Variants in SPOCK3 observed in about 807,000 individuals in gnomAD.
SPOCK3 encodes SPARC (osteonectin), cwcv and kazal like domains proteoglycan 3.
A neutral mutation model predicts 56.6 loss-of-function variants in SPOCK3; 30 were observed. The ratio of observed to expected loss-of-function variants is 0.53; its 90% confidence interval spans 0.40 to 0.72. SPOCK3 has a LOEUF of 0.72. SPOCK3 is among the 30% of genes least tolerant of loss of function. The pLI, the probability that SPOCK3 is intolerant of heterozygous loss-of-function variation, is 0.00. For missense variants in SPOCK3, 527 were observed against 530.0 expected (o/e 0.99, Z 0.06); for synonymous variants, 196 against 183.3 (o/e 1.07, Z -0.56).
chr4:166,833,210 A>C (rs1264969475), intron 6 of SPOCK3, among the ~76,000 whole-genome samples: 1 of 152,138 alleles, frequency 6.6e-6, no homozygotes, highest in African/African-American at 2.4e-5. Context: ...TATTTTTGTC[A>C]GATAATATAC....
intron 2 of SPOCK3, among the ~76,000 whole-genome samples, chr4:167,200,753 T>C (rs1235291830): frequency 6.6e-6 from 1 of 152,102 alleles, no homozygotes; most frequent in Non-Finnish European, 1.5e-5. Flanking sequence ...GGAAATTCTG[T>C]TGAGTTATAA....
intron 3 of SPOCK3, among the ~76,000 whole-genome samples, chr4:167,059,974 G>T (rs34220301): frequency 0.025 from 3,758 of 151,354 alleles, 78 homozygotes; most frequent in Middle Eastern, 0.062. Context: ...GACACAGGAA[G>T]GGGAACATCT....
At chr4:166,882,035 G>A (rs999472390) in intron 6 of SPOCK3, among the ~76,000 whole-genome samples, 9 of 152,236 alleles carry the variant, frequency 5.9e-5, no homozygotes, top group Middle Eastern at 6.8e-3. Context: ...ACAGCCATGT[G>A]CATTATAGAA....
chr4:167,179,678 T>C (rs976878608), intron 2 of SPOCK3, among the ~76,000 whole-genome samples: 3 of 152,196 alleles, frequency 2.0e-5, no homozygotes, highest in Admixed American at 6.5e-5. Context: ...AAGTAGACTT[T>C]GCACATTTTG....
rs114674724 is a variant in SPOCK3 at position 166,944,322 on chromosome 4, C to T, written c.351-31579G>A. Among the ~76,000 whole-genome samples the T allele has an allele frequency of 2.9e-3, 443 of 151,888 alleles. 1 individual carries two copies. Among genetic ancestry groups the T allele is most frequent in the African/African-American group, 0.01 (429 of 41,404 alleles). ...CCCAATATGTCTGTATTTCTTACAACGACATATCTCCTCCATAACAACAAT... is the reference window on the plus strand; with the variant it reads ...CCCAATATGTCTGTATTTCTTACAATGACATATCTCCTCCATAACAACAAT... On this transcript the variant is annotated intron_variant, in intron 4 of 10. Transcript: ENST00000357545.
intron 2 of SPOCK3, among the ~76,000 whole-genome samples, chr4:167,167,268 T>C (rs1361279869): frequency 6.6e-6 from 1 of 152,122 alleles, no homozygotes; most frequent in Non-Finnish European, 1.5e-5. Context: ...TAGTTTCAAA[T>C]GGAGGAGGAT....
Position 167,114,344 on chromosome 4 carries a change from C to A in SPOCK3, c.190-51807G>T, listed in dbSNP as rs533183015. Among the ~76,000 whole-genome samples, 4 of 152,188 alleles carry A rather than the reference C, an allele frequency of 2.6e-5. No homozygotes were observed. In the South Asian group the frequency reaches 6.2e-4, roughly 24 times the overall value. On this transcript the variant is annotated intron_variant, in intron 2 of 10. Coordinates refer to ENST00000357545, the MANE Select transcript of SPOCK3 (RefSeq NM_001040159.2). ...CTTTTTCTAAGTTGAGAAAAAGATG[C>A]TGATAAGCTAAGTAGAAGGGCTGTG...
intron 2 of SPOCK3, among the ~76,000 whole-genome samples, chr4:167,151,452 T>G (rs1230894179): frequency 2.0e-5 from 2 of 99,828 alleles, no homozygotes; most frequent in Admixed American, 2.0e-4. Flanking sequence ...TTTTTTTTTT[T>G]GAGACGGAGT....
chr4:166,872,382 A>G (rs1381467265), intron 6 of SPOCK3, among the ~76,000 whole-genome samples: 1 of 152,160 alleles, frequency 6.6e-6, no homozygotes, highest in East Asian at 1.9e-4. Context: ...CAGGATATAA[A>G]GTGAGCCTCC....
At chr4:167,115,498 A>G (rs900656707) in intron 2 of SPOCK3, among the ~76,000 whole-genome samples, 1 of 152,154 alleles carries the variant, frequency 6.6e-6, no homozygotes, top group South Asian at 2.1e-4. Flanking sequence ...AGAAAGAAGG[A>G]GAAAGTAATA....
intron 8 of SPOCK3, chr4:166,754,237 T>C: frequency 8.9e-7 from 1 of 1,128,692 alleles, no homozygotes; most frequent in Non-Finnish European, 1.1e-6. Flanking sequence ...AATATTTCTG[T>C]GTGCTTCTTG....
intron 2 of SPOCK3, among the ~76,000 whole-genome samples, chr4:167,213,858 C>A (rs1222908799): frequency 6.6e-6 from 1 of 151,950 alleles, no homozygotes; most frequent in Non-Finnish European, 1.5e-5. Flanking sequence ...TAAGCAGTCA[C>A]CATAAAAAAT....
At chr4:167,219,869 G>T (rs1735730197) in intron 2 of SPOCK3, among the ~76,000 whole-genome samples, 1 of 152,038 alleles carries the variant, frequency 6.6e-6, no homozygotes, top group Non-Finnish European at 1.5e-5. Flanking sequence ...CAGAACCCAT[G>T]TTCAGTGTTA....
At chr4:167,036,464 G>A (rs1230333197) in intron 3 of SPOCK3, among the ~76,000 whole-genome samples, 1 of 152,122 alleles carries the variant, frequency 6.6e-6, no homozygotes, top group Non-Finnish European at 1.5e-5. Context: ...GCCGGGTGCA[G>A]AAGAAATACA....
At chr4:167,182,055 T>G (rs116801006) in intron 2 of SPOCK3, among the ~76,000 whole-genome samples, 1 of 152,170 alleles carries the variant, frequency 6.6e-6, no homozygotes, top group Admixed American at 6.5e-5. Context: ...TTTTTTAAGC[T>G]ACTGTCTTTT....
At chr4:166,968,964 C>T (rs1470515036) in intron 4 of SPOCK3, among the ~76,000 whole-genome samples, 1 of 152,162 alleles carries the variant, frequency 6.6e-6, no homozygotes, top group Non-Finnish European at 1.5e-5. Flanking sequence ...CAGCTCAACC[C>T]TTGCACCAGG....
intron 4 of SPOCK3, among the ~76,000 whole-genome samples, chr4:166,953,160 G>C (rs1449305696): frequency 2.0e-5 from 3 of 151,408 alleles, no homozygotes; most frequent in East Asian, 1.9e-4. Context: ...CTACAAAATG[G>C]GAGAAAATTT....
chr4:167,165,708 C>T (rs1286712138), intron 2 of SPOCK3, among the ~76,000 whole-genome samples: 3 of 151,862 alleles, frequency 2.0e-5, no homozygotes, highest in African/African-American at 7.2e-5. Flanking sequence ...TATATAAATG[C>T]CATAAGGAAT....
chr4:166,761,895 TAAAAAAAAAA>T lies in SPOCK3; in HGVS notation c.710-7176_710-7167del, dbSNP rs748340803. Among the ~76,000 whole-genome samples, 5 of 103,434 alleles carry T rather than the reference TAAAAAAAAAA, an allele frequency of 4.8e-5. 2 individuals carry two copies. Among genetic ancestry groups the T allele is most frequent in the Middle Eastern group, 5.7e-3 (1 of 176 alleles). 67.9% of individuals were successfully genotyped at this position (103,434 alleles called of 152,430 possible). ...ATGTACCCTAAAACTTAGAGTATAA[TAAAAAAAAAA>T]AAAAAAAAAAAAAAAAAGAGATTTG... On this transcript the variant is annotated intron_variant, in intron 7 of 10. Transcript: ENST00000357545.
Sources: gnomAD v4.1 joint callset for allele counts (sites outside exome capture counted in the v4.1 genomes callset) on GRCh38, gnomAD v4.1.1 for gene constraint, MANE v1.5 for transcripts, NCBI Gene and HGNC (gene_info 2026-07-23, HGNC 2026-07-21) for gene names.